The following ILDR2 variants were observed in gnomAD, a reference collection of about 807,000 sequenced individuals.
The protein encoded by ILDR2 is immunoglobulin-like domain-containing receptor 2.
ILDR2 carries 25 observed loss-of-function variants against 66.8 expected under a neutral mutation model. The observed-to-expected ratio is 0.37, with a 90% CI of 0.27 to 0.52. The LOEUF (loss-of-function observed/expected upper bound fraction) is 0.52. Among genes scored for constraint, ILDR2 ranks in the 20% least tolerant of loss-of-function variants. The pLI, the probability that ILDR2 is intolerant of heterozygous loss-of-function variation, is 0.88. For synonymous variants in ILDR2, 367 were observed against 357.2 expected (o/e 1.03, Z -0.31); for missense variants, 827 against 876.8 (o/e 0.94, Z 0.72).
At chr1:166,930,794 T>C (rs1256849863) in intron 6 of ILDR2, among the ~76,000 whole-genome samples, 2 of 152,140 alleles carry the variant, frequency 1.3e-5, no homozygotes, top group Non-Finnish European at 2.9e-5. Flanking sequence ...GCAGGTAAAA[T>C]TTGTTAGCGT....
At chr1:166,969,357 C>T (rs947813709) in intron 1 of ILDR2, among the ~76,000 whole-genome samples, 5 of 152,208 alleles carry the variant, frequency 3.3e-5, no homozygotes, top group Non-Finnish European at 7.3e-5. Flanking sequence ...TTCCTTGTTC[C>T]TTGGCCTGTA....
In ILDR2 at chr1:166,936,657, G is replaced by A. The variant is rs752170591; in HGVS notation, c.637C>T (p.Pro213Ser). ...CGGACATAGCAGCAGCAGCTGTGAGGGCAGCACTGGCACCAGCAGATCCCC... is the reference window on the plus strand; with the variant it reads ...CGGACATAGCAGCAGCAGCTGTGAGAGCAGCACTGGCACCAGCAGATCCCC... Reference protein sequence around the residue: ...LVGICWCQCCPHSCCCYVRCP... With the variant: ...LVGICWCQCCSHSCCCYVRCP... The change falls in exon 5 of 10, where the codon CCT becomes TCT. Residue 213 changes from proline (P) to serine (S), a missense_variant. Transcript: ENST00000271417. The surrounding 1 kb of genome is among the most constrained non-coding windows in gnomAD (Gnocchi z 5.0). The A allele has an allele frequency of 1.9e-6, 3 of 1,613,984 alleles. No homozygotes were observed. In the Admixed American group the frequency reaches 5.0e-5, roughly 27 times the overall value.
At chr1:166,935,184 G>T (rs1374166142) in intron 6 of ILDR2, 117 bp downstream of exon 6, 1 of 1,019,712 alleles carries the variant, frequency 9.8e-7, no homozygotes, top group Non-Finnish European at 1.5e-6. Flanking sequence ...TCCCATTTCT[G>T]GAACAGAGAA....
At chr1:166,950,371 T>G (rs1019331787) in intron 3 of ILDR2, among the ~76,000 whole-genome samples, 1 of 152,048 alleles carries the variant, frequency 6.6e-6, no homozygotes, top group Non-Finnish European at 1.5e-5. Flanking sequence ...CAAATCTCCT[T>G]GGTTAGCGGC....
chr1:166,920,782 CGGGCCGCG>C lies in ILDR2; in HGVS notation c.1801_1808del (p.Arg601ValfsTer27). 1 of 1,519,306 alleles carries C rather than the reference CGGGCCGCG, an allele frequency of 6.6e-7. No homozygotes were observed. The highest frequency in any genetic ancestry group is 8.8e-7 in the Non-Finnish European group (1 of 1,134,218). The allele number at this position is 1,519,306 out of a possible 1,614,324, so 94.1% of individuals were successfully genotyped here. ...AGGGCAGGTCGCGGCCGCGGTAGGACGGGCCGCGGGTCAGCTCCAGCTCGCTGTAGGGC... is the reference window on the plus strand; with the variant it reads ...AGGGCAGGTCGCGGCCGCGGTAGGACGGTCAGCTCCAGCTCGCTGTAGGGC... On this transcript the variant is annotated frameshift_variant, in exon 9 of 10. Transcript: ENST00000271417. LOFTEE classifies it high-confidence loss of function.
At chr1:166,972,754 G>C (rs1007670957) in intron 1 of ILDR2, among the ~76,000 whole-genome samples, 6 of 152,198 alleles carry the variant, frequency 3.9e-5, no homozygotes, top group Admixed American at 3.3e-4. Flanking sequence ...AGAGATGGTG[G>C]GGAGAGAAAG....
At chr1:166,925,031 G>A (rs886674260) in intron 7 of ILDR2, among the ~76,000 whole-genome samples, 1 of 151,912 alleles carries the variant, frequency 6.6e-6, no homozygotes, top group Admixed American at 6.6e-5. Context: ...AAAAGGAAGT[G>A]AAATATATTT....
chr1:166,922,283 T>C (rs1479183421), intron 8 of ILDR2, among the ~76,000 whole-genome samples: 1 of 151,810 alleles, frequency 6.6e-6, no homozygotes, highest in Non-Finnish European at 1.5e-5. Flanking sequence ...ATGGAGATGA[T>C]GGGTGGGATT....
At position 166,918,649 on chromosome 1, in the gene ILDR2, C is replaced by G. The variant is rs904094918; in HGVS notation, c.*706G>C. ...ACATGTGCAGCAGAAAAGGAAAAAG[C>G]AGTTTACGTTCTCAGAATGGAAAAG... On this transcript the variant is annotated 3_prime_UTR_variant, in exon 10 of 10. Coordinates refer to ENST00000271417, the MANE Select transcript of ILDR2 (RefSeq NM_199351.3). 3 of 152,214 alleles carry G rather than the reference C, an allele frequency of 2.0e-5. No individual in the cohort carries two copies. The highest frequency in any genetic ancestry group is 7.2e-5 in the African/African-American group (3 of 41,438). 9.4% of individuals were successfully genotyped at this position (152,214 alleles called of 1,614,324 possible).
chr1:166,896,666 A>T (rs1289250635), intron 2 of ILDR2, among the ~76,000 whole-genome samples: 1 of 142,436 alleles, frequency 7.0e-6, no homozygotes, highest in Non-Finnish European at 1.5e-5. Context: ...ACAGATTCTC[A>T]CTCTTGTTGC....
At position 166,933,108 on chromosome 1, in the gene ILDR2, C is replaced by T. The variant is rs564618846; in HGVS notation, c.880+2193G>A. Among the ~76,000 whole-genome samples the T allele has an allele frequency of 2.0e-5, 3 of 152,348 alleles. No individual in the cohort carries two copies. In the East Asian group the frequency reaches 5.8e-4, roughly 29 times the overall value. The stretch of plus-strand genomic sequence containing the variant: ...GCGGTGACACTGATTGCCACCCTTC[C>T]TCTTTTTCCTTGCTAACAGAACCGT... On this transcript the variant is annotated intron_variant, in intron 6 of 9. Transcript: ENST00000271417.
Position 166,936,799 on chromosome 1 carries a change from T to TGG in ILDR2, c.557-63_557-62insCC, listed in dbSNP as rs1459511521. The TGG allele has an allele frequency of 6.5e-7, 1 of 1,535,194 alleles. No homozygotes were observed. The highest frequency in any genetic ancestry group is 1.4e-5 in the African/African-American group (1 of 73,212). The stretch of plus-strand genomic sequence containing the variant: ...GCCCACCTCCAGGGCAGGGTGCACT[T>TGG]TGATTGGCATCTCCCGGTGAAAGGG... On this transcript the variant is annotated intron_variant, in intron 4 of 9. Coordinates refer to ENST00000271417, the MANE Select transcript of ILDR2 (RefSeq NM_199351.3). This position sits in a 1 kb window ranked among gnomAD's most constrained non-coding sequence, Gnocchi z 5.0.
intron 1 of ILDR2, among the ~76,000 whole-genome samples, chr1:166,973,165 T>C (rs1663403546): frequency 6.6e-6 from 1 of 152,176 alleles, no homozygotes; most frequent in African/African-American, 2.4e-5. Context: ...ACAGCTGAGC[T>C]GGTCCTGATA....
In ILDR2 at chr1:166,939,706, A is replaced by G. The variant is rs1571150052; in HGVS notation, c.500-136T>C. 75 of 670,650 alleles carry G rather than the reference A, an allele frequency of 1.1e-4. 1 individual carries two copies. In the East Asian group the frequency reaches 2.1e-3, roughly 19 times the overall value. The allele number at this position is 670,650 out of a possible 1,614,324, so 41.5% of individuals were successfully genotyped here. On this transcript the variant is annotated intron_variant, in intron 3 of 9. Coordinates refer to ENST00000271417, the MANE Select transcript of ILDR2 (RefSeq NM_199351.3). Reference sequence around the variant, plus strand: ...CTCTTTGTGATATGAGAAGCACATCACCAAAGCTAGGCTGAGACAAGAGAA... The same window carrying G: ...CTCTTTGTGATATGAGAAGCACATCGCCAAAGCTAGGCTGAGACAAGAGAA...
At chr1:166,953,251 C>T (rs1662089070) in intron 3 of ILDR2, among the ~76,000 whole-genome samples, 1 of 152,152 alleles carries the variant, frequency 6.6e-6, no homozygotes, top group Non-Finnish European at 1.5e-5. Context: ...TGTTCTGACC[C>T]TAAGATCTAA....
chr1:166,914,863 AT>A lies in ILDR2; in HGVS notation c.*4491del, dbSNP rs1571088842. Reference sequence around the variant, plus strand: ...AGACTTCCATTAAGATGCTGGCAGCATTTAAATCTGATTTTGGAAGGATATA... The same window carrying A: ...AGACTTCCATTAAGATGCTGGCAGCATTAAATCTGATTTTGGAAGGATATA... On this transcript the variant is annotated 3_prime_UTR_variant, in exon 10 of 10. Coordinates refer to ENST00000271417, the MANE Select transcript of ILDR2 (RefSeq NM_199351.3). 3.3e-5 allele frequency: 5 copies of A among 152,244 alleles called. No homozygotes were observed. In the East Asian group the frequency reaches 9.6e-4, roughly 29 times the overall value. The allele number at this position is 152,244 out of a possible 1,614,324, so 9.4% of individuals were successfully genotyped here.
At position 166,927,167 on chromosome 1, in the gene ILDR2, G is replaced by A. The variant is rs1289538488; in HGVS notation, c.894C>T (p.Tyr298=). Residue 298 remains tyrosine (Y), a synonymous_variant, in exon 7 of 10, where the codon TAC becomes TAT. Transcript: ENST00000271417. ...TGGSHSVRKG[Y]RIQADKERDS... ...CTCTCTCTTTGTCAGCCTGGATCCGGTAACCTTTGCGAACTGTTGAGAAAA... is the reference window on the plus strand; with the variant it reads ...CTCTCTCTTTGTCAGCCTGGATCCGATAACCTTTGCGAACTGTTGAGAAAA... The A allele has an allele frequency of 6.2e-7, 1 of 1,612,792 alleles. No individual in the cohort carries two copies. The highest frequency in any genetic ancestry group is 1.7e-5 in the Admixed American group (1 of 59,892).
intron 3 of ILDR2, among the ~76,000 whole-genome samples, chr1:166,945,605 A>G (rs181936126): frequency 5.2e-4 from 79 of 152,318 alleles, no homozygotes; most frequent in Non-Finnish European, 8.8e-4. Context: ...ACTTAAATCC[A>G]AGCTCTAATC....
intron 1 of ILDR2, among the ~76,000 whole-genome samples, chr1:166,970,088 C>T (rs1004289648): frequency 6.6e-6 from 1 of 152,122 alleles, no homozygotes; most frequent in African/African-American, 2.4e-5. Context: ...AGGTAAGTCC[C>T]AGAACAAAAA....
Sources: gnomAD v4.1 joint callset for allele counts (sites outside exome capture counted in the v4.1 genomes callset) on GRCh38, gnomAD v4.1.1 for gene constraint, Gnocchi (gnomAD v3.1) non-coding constraint, MANE v1.5 for transcripts, NCBI Gene and HGNC (gene_info 2026-07-23, HGNC 2026-07-21) for gene names.